The following NFIB variants were observed in gnomAD, a reference collection of about 807,000 sequenced individuals.
NFIB encodes nuclear factor I B, also known as nuclear factor 1 B-type.
A neutral mutation model predicts 61.5 loss-of-function variants in NFIB; 11 were observed. The ratio of observed to expected loss-of-function variants is 0.18; its 90% confidence interval spans 0.11 to 0.30. NFIB has a LOEUF of 0.30. Among genes scored for constraint, NFIB ranks in the 10% least tolerant of loss-of-function variants. The pLI, the probability that NFIB is intolerant of heterozygous loss-of-function variation, is 1.00. For synonymous variants in NFIB, 260 were observed against 216.5 expected, an observed-to-expected ratio of 1.20 and a Z score of -1.76; for missense variants, 471 against 608.9, an observed-to-expected ratio of 0.77 and a Z score of 2.38.
the NFIB span, among the ~76,000 whole-genome samples, chr9:14,414,447 A>G: frequency 4.6e-3 from 695 of 149,692 alleles, 2 homozygotes; most frequent in Non-Finnish European, 6.3e-3. Context: ...AAAAAAAAAA[A>G]AAAAGAAAAC....
rs559809622 is a variant in NFIB, at chr9:14,097,010, T to C, written c.1468-8684A>G. Among the ~76,000 whole-genome samples the C allele has an allele frequency of 5.3e-5, 8 of 152,296 alleles. No individual in the cohort carries two copies. In the South Asian group the frequency reaches 1.7e-3, roughly 32 times the overall value. ...ATAAATGGAGAAAGTTAGGCAAAAC[T>C]ACGACAAATCCCAACATATTATTCA... On this transcript the variant is annotated intron_variant, in intron 10 of 10. Transcript: ENST00000380953.
the NFIB span, among the ~76,000 whole-genome samples, chr9:14,463,185 T>C: frequency 6.6e-6 from 1 of 151,474 alleles, no homozygotes; most frequent in Admixed American, 6.6e-5. Flanking sequence ...ATTATTTTAT[T>C]TAATTGAAAT....
the NFIB span, among the ~76,000 whole-genome samples, chr9:14,472,559 T>G: frequency 6.6e-6 from 1 of 152,178 alleles, no homozygotes. Flanking sequence ...TATTACAATT[T>G]ATAAAAGGAT....
intron 7 of NFIB, among the ~76,000 whole-genome samples, chr9:14,122,626 T>A (rs780403207): frequency 6.6e-6 from 1 of 152,214 alleles, no homozygotes; most frequent in South Asian, 2.1e-4. Flanking sequence ...AAACTGGGCA[T>A]CTTTTACTTA....
intron 3 of NFIB, among the ~76,000 whole-genome samples, chr9:14,173,440 C>T (rs547883463): frequency 6.6e-6 from 1 of 152,082 alleles, no homozygotes; most frequent in East Asian, 1.9e-4. Flanking sequence ...ATATACATTT[C>T]ATATATTATA....
chr9:14,405,597 C>T, the NFIB span, among the ~76,000 whole-genome samples: 8,785 of 151,818 alleles, frequency 0.058, 826 homozygotes, highest in African/African-American at 0.2. Flanking sequence ...GAAAACAGAA[C>T]GTTAGTAGCA....
the NFIB span, among the ~76,000 whole-genome samples, chr9:14,445,311 G>A: frequency 6.6e-6 from 1 of 152,046 alleles, no homozygotes; most frequent in East Asian, 1.9e-4. Context: ...TATTGTGATG[G>A]CTAGAATCTA....
chr9:14,109,493 G>A (rs897038620), intron 10 of NFIB, among the ~76,000 whole-genome samples: 1 of 147,820 alleles, frequency 6.8e-6, no homozygotes, highest in African/African-American at 2.7e-5. Context: ...GTTTGCCAAA[G>A]CAGGACCCAT....
rs201154417 is a variant in NFIB at position 14,150,155 on chromosome 9, G to A, written c.796C>T (p.Pro266Ser). The change falls in exon 5 of 11, where the codon CCA becomes TCA. Residue 266 changes from proline (P) to serine (S), a missense_variant. Transcript: ENST00000380953. Reference protein sequence around the residue: ...GVNLQRSLSSPPSSKRPKTIS... With the variant: ...GVNLQRSLSSSPSSKRPKTIS... ...CCCTTCTTTCAGTACCTGCTTGGTG[G>A]AGAAGACAGAGACCTCTGAAGATTG... 6.2e-7 allele frequency: 1 copy of A among 1,613,310 alleles called. No individual in the cohort carries two copies. The highest frequency in any genetic ancestry group is 2.2e-5 in the East Asian group (1 of 44,846).
intron 2 of NFIB, among the ~76,000 whole-genome samples, chr9:14,219,414 G>C (rs569078083): frequency 1.7e-3 from 196 of 115,236 alleles, no homozygotes; most frequent in Non-Finnish European, 2.3e-3. Context: ...AGTCTAAGTT[G>C]AAGAGATTTT....
chr9:14,273,484 G>A (rs1248824812), intron 2 of NFIB, among the ~76,000 whole-genome samples: 2 of 151,996 alleles, frequency 1.3e-5, no homozygotes, highest in Non-Finnish European at 2.9e-5. Flanking sequence ...TGACTGTGGA[G>A]TACCTGCCGG....
rs1437828517 is a variant in NFIB, at chr9:14,083,840, C to G, written c.*4469G>C. On this transcript the variant is annotated 3_prime_UTR_variant, in exon 11 of 11. Coordinates refer to ENST00000380953, the MANE Select transcript of NFIB (RefSeq NM_001190737.2). ...TCCAAGATTCTGCTCCCTGAGGACA[C>G]GTTATGTGAGACATAGCACTGTTTT... is the stretch of plus-strand genomic sequence containing the variant. 2 of 224,972 alleles carry G rather than the reference C, an allele frequency of 8.9e-6. No individual in the cohort carries two copies. The highest frequency in any genetic ancestry group is 1.8e-5 in the Non-Finnish European group (2 of 112,796). The allele number at this position is 224,972 out of a possible 1,614,324, so 13.9% of individuals were successfully genotyped here. A position where few individuals can be genotyped will look rare whatever the true frequency, so the allele number is the denominator to read the frequency against.
intron 1 of NFIB, among the ~76,000 whole-genome samples, chr9:14,363,203 ACACTCCCTCACCCC>A (rs1220024346): frequency 2.0e-5 from 3 of 152,024 alleles, no homozygotes; most frequent in Non-Finnish European, 4.4e-5. Context: ...TCTTTTACGG[ACACTCCCTCACCCC>A]CACTCCTGGC....
chr9:14,166,470 T>C (rs59582428), intron 3 of NFIB, among the ~76,000 whole-genome samples: 20,611 of 152,130 alleles, frequency 0.14, 1,652 homozygotes, highest in East Asian at 0.4. Flanking sequence ...AATCTAGAAG[T>C]AACTTGTTTT....
At chr9:14,165,814 A>G (rs964013155) in intron 3 of NFIB, among the ~76,000 whole-genome samples, 1 of 152,186 alleles carries the variant, frequency 6.6e-6, no homozygotes, top group African/African-American at 2.4e-5. Flanking sequence ...TCAAACTCAT[A>G]GAAACAAAGT....
At chr9:14,230,889 C>T (rs1347162292) in intron 2 of NFIB, among the ~76,000 whole-genome samples, 1 of 151,684 alleles carries the variant, frequency 6.6e-6, no homozygotes, top group African/African-American at 2.4e-5. Context: ...CCTGGAAAGC[C>T]CAGCTTGGAT....
the NFIB span, among the ~76,000 whole-genome samples, chr9:14,484,577 A>G: frequency 2.6e-5 from 4 of 152,368 alleles, no homozygotes; most frequent in East Asian, 7.7e-4. Context: ...TAGCAATACA[A>G]ACATAGGTAT....
At position 14,244,690 on chromosome 9, in the gene NFIB, A is replaced by G. The variant is rs145183241; in HGVS notation, c.562+62299T>C. ...CTGACCTCTCTGAATTTGAATTTGT[A>G]TATCTATTTAAACAAAGATAATAGG... is the stretch of plus-strand genomic sequence containing the variant. On this transcript the variant is annotated intron_variant, in intron 2 of 10. Transcript: ENST00000380953. 8.0e-3 allele frequency among the ~76,000 whole-genome samples: 1,216 copies of G among 152,334 alleles called. 4 individuals carry two copies. Among genetic ancestry groups the G allele is most frequent in the African/African-American group, 0.016 (656 of 41,570 alleles).
chr9:14,515,384 C>G, the NFIB span, among the ~76,000 whole-genome samples: 225 of 152,246 alleles, frequency 1.5e-3, no homozygotes, highest in African/African-American at 5.2e-3. Flanking sequence ...CACAACAAAC[C>G]TGTAAAATAG....
Sources: allele counts gnomAD v4.1 joint callset (sites outside exome capture counted in the v4.1 genomes callset), GRCh38; gene constraint gnomAD v4.1.1; transcripts MANE v1.5; gene names NCBI Gene and HGNC (gene_info 2026-07-23, HGNC 2026-07-21).